The following MYH2 variants were observed in gnomAD, a reference collection of about 807,000 sequenced individuals.
MYH2 encodes the protein myosin heavy chain 2.
A neutral mutation model predicts 228.1 loss-of-function variants in MYH2; 139 were observed. The observed-to-expected ratio is 0.61, with a 90% CI of 0.53 to 0.70. The LOEUF (loss-of-function observed/expected upper bound fraction) is 0.70. Ranked by LOEUF, MYH2 falls within the 30% of genes least tolerant of loss-of-function variation. MYH2 has a pLI of 0.00. For synonymous variants in MYH2, 796 were observed against 871.1 expected (o/e 0.91, Z 1.52); for missense variants, 1,809 against 2,357.5 (o/e 0.77, Z 4.82).
chr17:10,545,786 T>G (rs1444420167), intron 4 of MYH2, among the ~76,000 whole-genome samples: 1 of 152,172 alleles, frequency 6.6e-6, no homozygotes, highest in East Asian at 1.9e-4. Context: ...CAGGCTGGTC[T>G]GGAAATTAAT....
At chr17:10,538,950 C>T (rs2073516414) in intron 14 of MYH2, among the ~76,000 whole-genome samples, 1 of 152,082 alleles carries the variant, frequency 6.6e-6, no homozygotes, top group Admixed American at 6.6e-5. Flanking sequence ...TTAAAATAGA[C>T]CTTCAATCCC....
At chr17:10,538,990 TGTATCAATAACAA>T (rs1331934460) in intron 14 of MYH2, among the ~76,000 whole-genome samples, 2 of 152,200 alleles carry the variant, frequency 1.3e-5, no homozygotes, top group Non-Finnish European at 1.5e-5. Flanking sequence ...GAACTCCCTT[TGTATCAATAACAA>T]GTTGGGGAGT....
chr17:10,529,889 A>T lies in MYH2; in HGVS notation c.2883T>A (p.Asp961Glu). The T allele has an allele frequency of 6.2e-7, 1 of 1,613,386 alleles. No individual in the cohort carries two copies. Among genetic ancestry groups the T allele is most frequent in the Non-Finnish European group, 8.5e-7 (1 of 1,179,412 alleles). ...CCTTGGCCAGTGTCAGCTCAAGGTC[A>T]TCAATGTCTTTCTTGAGTTCTGAAC... ...DECSELKKDI[D>E]DLELTLAKVE... The change falls in exon 23 of 40, where the codon GAT becomes GAA. Residue 961 changes from aspartate (D) to glutamate (E), a missense_variant. By Grantham distance (45) the Asp-to-Glu change is conservative. Around this residue, in one of 9 missense-constraint regions of MYH2, gnomAD observed 43 missense variants for 89.2 expected, o/e 0.48. Coordinates refer to ENST00000245503, the MANE Select transcript of MYH2 (RefSeq NM_017534.6).
intron 4 of MYH2, among the ~76,000 whole-genome samples, chr17:10,546,288 T>TATAC (rs1384958740): frequency 2.9e-5 from 4 of 136,958 alleles, no homozygotes; most frequent in African/African-American, 1.1e-4. Context: ...TATATATATA[T>TATAC]ACATCATGAT....
At chr17:10,547,671 CA>C in intron 3 of MYH2, 45 bp downstream of exon 3, 1 of 1,614,090 alleles carries the variant, frequency 6.2e-7, no homozygotes, top group Non-Finnish European at 8.5e-7. Flanking sequence ...CAAACAACAA[CA>C]ACAAAAATCA....
rs917948549 is a variant in MYH2, at chr17:10,534,961, C to CT, written c.2180+111dup. The CT allele has an allele frequency of 2.1e-4, 281 of 1,314,090 alleles. No individual in the cohort carries two copies. The African/African-American group carries it at 3.8e-3, about 18-fold the overall frequency. 81.4% of individuals were successfully genotyped at this position (1,314,090 alleles called of 1,614,324 possible). ...CTTGAGACTTGTAATTTTTTTACTTCTTTTTGTGACAAAACTAACAAGTAG... is the reference window on the plus strand; with the variant it reads ...CTTGAGACTTGTAATTTTTTTACTTCTTTTTTGTGACAAAACTAACAAGTAG... On this transcript the variant is annotated intron_variant, in intron 19 of 39. Transcript: ENST00000245503.
chr17:10,540,755 G>T (rs1421781294), intron 10 of MYH2, 58 bp from the exon 11 acceptor site: 2 of 1,444,170 alleles, frequency 1.4e-6, no homozygotes, highest in East Asian at 2.3e-5. Flanking sequence ...TAAAACAAGA[G>T]ATTTCTAGAC....
At chr17:10,547,152 C>T (rs1469628142) in intron 4 of MYH2, among the ~76,000 whole-genome samples, 2 of 152,118 alleles carry the variant, frequency 1.3e-5, no homozygotes, top group African/African-American at 4.8e-5. Context: ...CTGGATGATT[C>T]TGCGGCTGGA....
In MYH2 at chr17:10,540,694, A is replaced by T. The variant is rs1242687090; in HGVS notation, c.908T>A (p.Met303Lys). Reference protein sequence around the residue: ...TSNKKPELIEMLLITTNPYDY... With the variant: ...TSNKKPELIEKLLITTNPYDY... ...ATATGGGTTCGTGGTAATCAGAAGCATTTCTAAGTACAGGAAACAGAACAA... is the reference window on the plus strand; with the variant it reads ...ATATGGGTTCGTGGTAATCAGAAGCTTTTCTAAGTACAGGAAACAGAACAA... Residue 303 changes from methionine to lysine, a missense_variant, in exon 11 of 40, where the codon ATG becomes AAG. Met to Lys is a moderately conservative substitution (Grantham distance 95, BLOSUM62 -1). Coordinates refer to ENST00000245503, the MANE Select transcript of MYH2 (RefSeq NM_017534.6). 6.3e-7 allele frequency: 1 copy of T among 1,593,098 alleles called. No individual in the cohort carries two copies. Among genetic ancestry groups the T allele is most frequent in the East Asian group, 2.2e-5 (1 of 44,772 alleles).
chr17:10,544,909 C>T (rs1328112314), intron 5 of MYH2, among the ~76,000 whole-genome samples: 1 of 152,096 alleles, frequency 6.6e-6, no homozygotes, highest in Admixed American at 6.6e-5. Context: ...TAATCTGTCA[C>T]AATTTAGGAT....
intron 27 of MYH2, among the ~76,000 whole-genome samples, chr17:10,528,350 A>C (rs2073380481): frequency 6.6e-6 from 1 of 152,122 alleles, no homozygotes; most frequent in African/African-American, 2.4e-5. Context: ...AAAATACTTC[A>C]TTGCCTTTAT....
chr17:10,523,365 A>G lies in MYH2; in HGVS notation c.5520T>C (p.Ala1840=). 6.2e-7 allele frequency: 1 copy of G among 1,614,218 alleles called. No individual in the cohort carries two copies. The highest frequency in any genetic ancestry group is 8.5e-7 in the Non-Finnish European group (1 of 1,180,036). ...GTTTGCGCAGACCTTTGACAGCCTC[A>G]GCATTACGCTTTTGCTCACTCTCAA... The part of the protein sequence containing the change: ...GEVESEQKRN[A]EAVKGLRKHE... The change falls in exon 38 of 40, where the codon GCT becomes GCC. Residue 1840 remains alanine, a synonymous_variant. Coordinates refer to ENST00000245503, the MANE Select transcript of MYH2 (RefSeq NM_017534.6).
At chr17:10,542,832 T>A in intron 10 of MYH2, 43 bp downstream of exon 10, 1 of 1,340,570 alleles carries the variant, frequency 7.5e-7, no homozygotes, top group Non-Finnish European at 1.1e-6. Context: ...CATTGATAGG[T>A]ACTGATGCAG....
At chr17:10,543,065 C>G (rs754272286) in intron 9 of MYH2, 33 bp downstream of exon 9, 1 of 1,599,574 alleles carries the variant, frequency 6.3e-7, no homozygotes, top group South Asian at 1.1e-5. Context: ...TCATATGAAT[C>G]AGAAATGATT....
At position 10,546,255 on chromosome 17, in the gene MYH2, TGA is replaced by T. The variant is rs1491547301; in HGVS notation, c.349-755_349-754del. Among the ~76,000 whole-genome samples the T allele has an allele frequency of 3.4e-3, 93 of 27,154 alleles. 5 individuals are homozygous for T. In the East Asian group the frequency reaches 0.2, roughly 59 times the overall value. 17.8% of individuals were successfully genotyped at this position (27,154 alleles called of 152,430 possible). On this transcript the variant is annotated intron_variant, in intron 4 of 39. Coordinates refer to ENST00000245503, the MANE Select transcript of MYH2 (RefSeq NM_017534.6). ...AGTTATAAGGAAACAGGACACGAAA[TGA>T]TATATATATATATATATATATATAT...
At chr17:10,543,042 T>A (rs2073577091) in intron 9 of MYH2, 56 bp downstream of exon 9, 8 of 1,591,990 alleles carry the variant, frequency 5.0e-6, no homozygotes, top group Non-Finnish European at 6.9e-6. Context: ...TGATTTTTGG[T>A]CAGTTTTTTA....
intron 21 of MYH2, among the ~76,000 whole-genome samples, chr17:10,532,737 G>T (rs2073439546): frequency 6.6e-6 from 1 of 152,110 alleles, no homozygotes; most frequent in Admixed American, 6.6e-5. Context: ...GAGACACCTG[G>T]CTCTATAGTC....
In MYH2 at chr17:10,522,986, T is replaced by C. The variant is rs1487804159; in HGVS notation, c.5673+104A>G. The C allele has an allele frequency of 3.9e-6, 3 of 765,578 alleles. No individual in the cohort carries two copies. In the Admixed American group the frequency reaches 6.5e-5, roughly 17 times the overall value. The allele number at this position is 765,578 out of a possible 1,614,324, so 47.4% of individuals were successfully genotyped here. On this transcript the variant is annotated intron_variant, in intron 39 of 39. Transcript: ENST00000245503. ...AGAATTATTGTACAAAAACAAATGT[T>C]AAATATGCATGCAGTAGTCTTTAAA...
rs753817689 is a variant in MYH2 at position 10,537,228 on chromosome 17, A to G, written c.1897+5T>C. ...TAGAGAGTATTATTAACATTTGAGC[A>G]TTACCTCCTTCAGCAGTTTGAGCCC... On this transcript the variant is annotated splice_donor_5th_base_variant and intron_variant, in intron 16 of 39. Coordinates refer to ENST00000245503, the MANE Select transcript of MYH2 (RefSeq NM_017534.6). The surrounding 1 kb of genome is among the most constrained non-coding windows in gnomAD (Gnocchi z 4.0). The G allele has an allele frequency of 6.2e-7, 1 of 1,614,174 alleles. No individual in the cohort carries two copies.
Sources: allele counts gnomAD v4.1 joint callset (sites outside exome capture counted in the v4.1 genomes callset), GRCh38; gene constraint gnomAD v4.1.1; regional missense constraint gnomAD v4.1.1; non-coding constraint Gnocchi (gnomAD v3.1); transcripts MANE v1.5; gene names NCBI Gene and HGNC (gene_info 2026-07-23, HGNC 2026-07-21).